The following AGR3 variants were observed in gnomAD, a reference collection of about 807,000 sequenced individuals.
The protein encoded by AGR3 is anterior gradient protein 3.
AGR3 carries 37 observed loss-of-function variants against 24.5 expected under a neutral mutation model. The ratio of observed to expected loss-of-function variants is 1.51; its 90% CI spans 1.16 to 1.99. The LOEUF (loss-of-function observed/expected upper bound fraction) is 1.99. AGR3 is among the 30% of genes most tolerant of loss of function. AGR3 has a pLI of 0.00. For missense variants in AGR3, 228 were observed against 191.1 expected (o/e 1.19, Z -1.14); for synonymous variants, 75 against 61.6 (o/e 1.22, Z -1.02).
chr7:16,880,453 G>A (rs1012090259), intron 1 of AGR3, among the ~76,000 whole-genome samples: 3 of 141,644 alleles, frequency 2.1e-5, no homozygotes, highest in African/African-American at 8.1e-5. Flanking sequence ...GAGCTACATC[G>A]CCCGGACTCC....
chr7:16,854,950 G>A (rs911706727), downstream of AGR3, among the ~76,000 whole-genome samples: 4 of 151,984 alleles, frequency 2.6e-5, no homozygotes, highest in African/African-American at 4.8e-5. Flanking sequence ...TTGGGTTAGG[G>A]GCCCATTCTA....
intron 3 of AGR3, chr7:16,873,569 T>A (rs1238986465): frequency 1.9e-6 from 1 of 533,550 alleles, no homozygotes; most frequent in African/African-American, 1.9e-5. Context: ...TAGTTTATTG[T>A]ATATATTTAA....
chr7:16,854,991 C>A (rs141527190), downstream of AGR3, among the ~76,000 whole-genome samples: 30 of 152,202 alleles, frequency 2.0e-4, no homozygotes, highest in East Asian at 5.8e-3. Context: ...ATAACATTTT[C>A]CTTTAGAAAA....
chr7:16,865,640 A>G, intron 3 of AGR3: 1 of 776,824 alleles, frequency 1.3e-6, no homozygotes, highest in African/African-American at 1.7e-5. Flanking sequence ...TTCAACCAGA[A>G]TTATCTTCTT....
chr7:16,873,987 A>T (rs556582471), intron 2 of AGR3, 144 bp from the exon 3 acceptor site: 1 of 671,350 alleles, frequency 1.5e-6, no homozygotes, highest in Admixed American at 2.7e-5. Context: ...AGGACACACA[A>T]TTTTCACAAG....
At chr7:16,873,657 C>T in intron 3 of AGR3, 123 bp downstream of exon 3, 1 of 729,822 alleles carries the variant, frequency 1.4e-6, no homozygotes, top group Non-Finnish European at 2.3e-6. Flanking sequence ...GCTAATTACA[C>T]TGATTTGATC....
chr7:16,855,282 G>A (rs566182091), downstream of AGR3, among the ~76,000 whole-genome samples: 4 of 152,232 alleles, frequency 2.6e-5, no homozygotes, highest in South Asian at 4.1e-4. Flanking sequence ...TGAGGGATAG[G>A]ACTTCAACCT....
intron 2 of AGR3, among the ~76,000 whole-genome samples, chr7:16,878,116 A>ATTTTTTTTT (rs34203592): frequency 6.8e-6 from 1 of 146,342 alleles, no homozygotes; most frequent in Non-Finnish European, 1.5e-5. Flanking sequence ...AATTATTCCA[A>ATTTTTTTTT]TTTTTTTTTT....
intron 4 of AGR3, 126 bp from the exon 5 acceptor site, chr7:16,862,186 T>G (rs1350769360): frequency 8.5e-6 from 6 of 705,586 alleles, no homozygotes; most frequent in Non-Finnish European, 1.4e-5. Context: ...TATTAATAGT[T>G]CATTGGCCTA....
At chr7:16,880,398 T>C (rs537831100) in intron 1 of AGR3, among the ~76,000 whole-genome samples, 50 of 152,004 alleles carry the variant, frequency 3.3e-4, no homozygotes, top group African/African-American at 1.2e-3. Context: ...TGACCTCAAA[T>C]GATCCAACTG....
chr7:16,875,313 A>G (rs1781965986), intron 2 of AGR3, among the ~76,000 whole-genome samples: 1 of 152,052 alleles, frequency 6.6e-6, no homozygotes, highest in Admixed American at 6.6e-5. Context: ...TTCTGTCTCT[A>G]TAGATTTGCT....
chr7:16,872,500 A>G (rs1781902816), intron 3 of AGR3, among the ~76,000 whole-genome samples: 1 of 152,156 alleles, frequency 6.6e-6, no homozygotes, highest in East Asian at 1.9e-4. Flanking sequence ...AAACTATAAC[A>G]CTCCTAGAAG....
intron 2 of AGR3, among the ~76,000 whole-genome samples, chr7:16,877,920 T>C (rs191822277): frequency 6.6e-6 from 1 of 151,194 alleles, no homozygotes; most frequent in East Asian, 1.9e-4. Context: ...CAGATGAATA[T>C]ATATTTGTTT....
At chr7:16,865,391 C>A in intron 3 of AGR3, 1 of 1,024,722 alleles carries the variant, frequency 9.8e-7, no homozygotes. Flanking sequence ...TCTTGTTAGC[C>A]TCTATAGTCA....
At chr7:16,866,238 T>C (rs1781755818) in intron 3 of AGR3, 2 of 522,462 alleles carry the variant, frequency 3.8e-6, no homozygotes, top group Middle Eastern at 3.3e-4. Context: ...TAGAAAATCA[T>C]TGAATGATGG....
chr7:16,859,411 C>A, downstream of AGR3: 1 of 546,890 alleles, frequency 1.8e-6, no homozygotes, highest in African/African-American at 1.9e-5. Context: ...TATTGTCAGT[C>A]TCAGATTTAA....
chr7:16,862,504 A>C, intron 4 of AGR3, 106 bp downstream of exon 4: 2 of 593,466 alleles, frequency 3.4e-6, no homozygotes, highest in Middle Eastern at 5.0e-4. Flanking sequence ...TATTTTTTTT[A>C]ATGGGATTTG....
chr7:16,872,444 G>T lies in AGR3; in HGVS notation c.173+1336C>A, dbSNP rs187914910. On this transcript the variant is annotated intron_variant, in intron 3 of 7. Coordinates refer to ENST00000310398, the MANE Select transcript of AGR3 (RefSeq NM_176813.5). ...ACTAGACTCCTAACTCTTACCATAT[G>T]CAGAAATCAATTCAAAATGGACTAA... is the stretch of plus-strand genomic sequence containing the variant. Among the ~76,000 whole-genome samples the T allele has an allele frequency of 1.8e-4, 28 of 152,246 alleles. 1 individual carries two copies. Among genetic ancestry groups the T allele is most frequent in the East Asian group, 1.2e-3 (6 of 5,182 alleles).
intron 1 of AGR3, 124 bp downstream of exon 1, chr7:16,881,820 T>C: frequency 2.6e-6 from 1 of 388,144 alleles, no homozygotes; most frequent in East Asian, 7.6e-5. Context: ...AGAAGAAAAA[T>C]AAAAATTCAT....
Sources: allele counts gnomAD v4.1 joint callset (sites outside exome capture counted in the v4.1 genomes callset), GRCh38; gene constraint gnomAD v4.1.1; transcripts MANE v1.5; gene names NCBI Gene and HGNC (gene_info 2026-07-23, HGNC 2026-07-21).